ZDHHC21: variants seen among roughly 807,000 people sequenced by gnomAD.
ZDHHC21 encodes zDHHC palmitoyltransferase 21.
In ZDHHC21, 15 loss-of-function variants were observed where a neutral mutation model predicts 34.6. The observed-to-expected ratio is 0.43, with a 90% confidence interval of 0.29 to 0.67. ZDHHC21 has a LOEUF of 0.67. Ranked by LOEUF, ZDHHC21 falls within the 30% of genes least tolerant of loss-of-function variation. The pLI, the probability that ZDHHC21 is intolerant of heterozygous loss-of-function variation, is 0.14. For synonymous variants in ZDHHC21, 142 were observed against 101.8 expected (o/e 1.40, Z -2.38); for missense variants, 344 against 327.7 (o/e 1.05, Z -0.38).
At chr9:14,638,245 G>A (rs187537854) in intron 8 of ZDHHC21, among the ~76,000 whole-genome samples, 4 of 152,102 alleles carry the variant, frequency 2.6e-5, no homozygotes, top group African/African-American at 9.6e-5. Context: ...ACAGCCAACT[G>A]ATTTTTGACA....
intron 8 of ZDHHC21, among the ~76,000 whole-genome samples, chr9:14,620,300 A>T (rs1825073840): frequency 1.3e-5 from 2 of 152,016 alleles, no homozygotes; most frequent in Non-Finnish European, 1.5e-5. Context: ...AAAAAAAAAA[A>T]TTTCAACAAA....
downstream of ZDHHC21, among the ~76,000 whole-genome samples, chr9:14,606,107 T>A (rs1823007929): frequency 6.6e-6 from 1 of 152,308 alleles, no homozygotes; most frequent in Admixed American, 6.5e-5. Flanking sequence ...AATTTCAAGG[T>A]AGTTTAATTC....
chr9:14,639,952 T>C lies in ZDHHC21; in HGVS notation c.565A>G (p.Thr189Ala). 6.2e-7 allele frequency: 1 copy of C among 1,609,924 alleles called. No homozygotes were observed. Among genetic ancestry groups the C allele is most frequent in the South Asian group, 1.1e-5 (1 of 90,360 alleles). ...IMRLAAFMGI[T>A]MLVGITGLFY... ...AGTCCAGTTATTCCAACTAACATAGTAATGCCCATAAAGGCTGCTAGTCTC... is the reference window on the plus strand; with the variant it reads ...AGTCCAGTTATTCCAACTAACATAGCAATGCCCATAAAGGCTGCTAGTCTC... Residue 189 changes from threonine (T) to alanine (A), a missense_variant, in exon 8 of 10, where the codon ACT becomes GCT. Transcript: ENST00000380916.
intron 2 of ZDHHC21, 90 bp from the exon 3 acceptor site, chr9:14,680,252 C>G (rs1474874512): frequency 6.6e-6 from 1 of 152,130 alleles, no homozygotes; most frequent in African/African-American, 2.4e-5. Flanking sequence ...CAATGACAAA[C>G]GTCTTAAATT....
chr9:14,686,453 T>C (rs4741417), intron 2 of ZDHHC21, among the ~76,000 whole-genome samples: 113,983 of 152,090 alleles, frequency 0.75, 42,838 homozygotes, highest in South Asian at 0.79. Flanking sequence ...AACAGCAGAC[T>C]ATTAAATACT....
At chr9:14,676,345 T>A (rs745924006) in intron 3 of ZDHHC21, among the ~76,000 whole-genome samples, 1 of 151,878 alleles carries the variant, frequency 6.6e-6, no homozygotes. Flanking sequence ...TCATAATCAA[T>A]TGAAAAGCCT....
Position 14,615,164 on chromosome 9 carries a change from A to T in ZDHHC21, c.*3802T>A, listed in dbSNP as rs1297284577. The T allele has an allele frequency of 6.6e-6, 1 of 151,758 alleles. No homozygotes were observed. Among genetic ancestry groups the T allele is most frequent in the Non-Finnish European group, 1.5e-5 (1 of 67,728 alleles). The allele number at this position is 151,758 out of a possible 1,614,324, so 9.4% of individuals were successfully genotyped here. On this transcript the variant is annotated 3_prime_UTR_variant, in exon 10 of 10. Coordinates refer to ENST00000380916, the MANE Select transcript of ZDHHC21 (RefSeq NM_178566.6). The stretch of plus-strand genomic sequence containing the variant: ...GTGTAGCTATAATCTAAATCAGTTC[A>T]CACTTCCTGGTTTGAAGTGTTGTCC...
chr9:14,689,621 T>C (rs891382342), intron 2 of ZDHHC21, among the ~76,000 whole-genome samples: 4 of 152,206 alleles, frequency 2.6e-5, no homozygotes, highest in African/African-American at 9.7e-5. Flanking sequence ...AGTACTACAC[T>C]GCAGTATTAA....
At chr9:14,642,396 A>G (rs542815067) in intron 7 of ZDHHC21, among the ~76,000 whole-genome samples, 2 of 152,136 alleles carry the variant, frequency 1.3e-5, no homozygotes, top group African/African-American at 4.8e-5. Flanking sequence ...TTTTATCCAA[A>G]TCACAGGAAC....
At chr9:14,620,372 A>T (rs1825088346) in intron 8 of ZDHHC21, among the ~76,000 whole-genome samples, 1 of 152,036 alleles carries the variant, frequency 6.6e-6, no homozygotes, top group Admixed American at 6.6e-5. Flanking sequence ...TAGACTGGCA[A>T]ATTGTTATAA....
intron 8 of ZDHHC21, among the ~76,000 whole-genome samples, chr9:14,625,424 C>A (rs1156871111): frequency 6.6e-6 from 1 of 152,020 alleles, no homozygotes; most frequent in Non-Finnish European, 1.5e-5. Context: ...TTTATAGACA[C>A]TGAAAATCTC....
chr9:14,690,243 G>C, intron 2 of ZDHHC21, 94 bp downstream of exon 2: 2 of 415,452 alleles, frequency 4.8e-6, no homozygotes, highest in South Asian at 3.6e-5. Flanking sequence ...GGGGGTTGGG[G>C]GTAGAAGACT....
At chr9:14,621,448 A>G (rs534893057) in intron 8 of ZDHHC21, among the ~76,000 whole-genome samples, 28 of 152,232 alleles carry the variant, frequency 1.8e-4, no homozygotes, top group African/African-American at 6.7e-4. Context: ...TTTATTTTCA[A>G]GTGTTTTTGA....
intron 6 of ZDHHC21, among the ~76,000 whole-genome samples, chr9:14,659,904 A>G (rs1244061843): frequency 3.3e-5 from 5 of 152,180 alleles, no homozygotes; most frequent in Admixed American, 2.0e-4. Flanking sequence ...GTGCTCTTCA[A>G]CAGCTGCCGA....
Position 14,680,111 on chromosome 9 carries a change from A to C in ZDHHC21, c.-124T>G, listed in dbSNP as rs1190646774. The C allele has an allele frequency of 6.6e-6, 1 of 152,478 alleles. No homozygotes were observed. The highest frequency in any genetic ancestry group is 1.5e-5 in the Non-Finnish European group (1 of 67,986). The allele number at this position is 152,478 out of a possible 1,614,324, so 9.4% of individuals were successfully genotyped here. A position where few individuals can be genotyped will look rare whatever the true frequency, so the allele number is the denominator to read the frequency against. On this transcript the variant is annotated 5_prime_UTR_variant, in exon 3 of 10. The change creates a new upstream start codon in the 5' untranslated region. Transcript: ENST00000380916. ...GATTTTCTTTTGATTCATTTTTTTT[A>C]ATTATATCCCACCAAATGGATCTCT...
chr9:14,630,026 CAGAG>C (rs148299779), intron 8 of ZDHHC21, among the ~76,000 whole-genome samples: 2 of 152,238 alleles, frequency 1.3e-5, no homozygotes, highest in African/African-American at 4.8e-5. Context: ...AGCCTGGCGA[CAGAG>C]AGAGACTCCA....
intron 2 of ZDHHC21, among the ~76,000 whole-genome samples, chr9:14,687,220 C>A (rs188600991): frequency 2.7e-5 from 4 of 150,748 alleles, no homozygotes; most frequent in Admixed American, 2.6e-4. Context: ...GAGTCAAATC[C>A]CAGTCACTTG....
At chr9:14,674,771 T>G (rs1836063902) in intron 3 of ZDHHC21, among the ~76,000 whole-genome samples, 1 of 151,938 alleles carries the variant, frequency 6.6e-6, no homozygotes, top group South Asian at 2.1e-4. Flanking sequence ...ACAAAAATTT[T>G]TAGTAGCTTT....
chr9:14,654,397 CA>C (rs71323903), intron 7 of ZDHHC21, among the ~76,000 whole-genome samples: 2 of 150,592 alleles, frequency 1.3e-5, no homozygotes, highest in African/African-American at 2.4e-5. Flanking sequence ...TATATCCTAT[CA>C]AAAAAAAAGA....
Sources: gnomAD v4.1 joint callset for allele counts (sites outside exome capture counted in the v4.1 genomes callset) on GRCh38, gnomAD v4.1.1 for gene constraint, MANE v1.5 for transcripts, NCBI Gene and HGNC (gene_info 2026-07-23, HGNC 2026-07-21) for gene names.